Variants in MEGF10 observed in about 807,000 individuals in gnomAD.
MEGF10 encodes multiple EGF like domains 10, also known as multiple epidermal growth factor-like domains protein 10.
In MEGF10, 86 loss-of-function variants were observed where a neutral mutation model predicts 147.5. The observed-to-expected ratio is 0.58, with a 90% CI of 0.49 to 0.70. The LOEUF (loss-of-function observed/expected upper bound fraction) is 0.70, where lower values mean the gene tolerates loss of function less well. Among genes scored for constraint, MEGF10 ranks in the 30% least tolerant of loss-of-function variants. MEGF10 has a pLI of 0.00. For missense variants in MEGF10, 1,329 were observed against 1,487.3 expected (o/e 0.89, Z 1.75); for synonymous variants, 478 against 525.5 (o/e 0.91, Z 1.24).
the MEGF10 span, among the ~76,000 whole-genome samples, chr5:127,241,036 T>C: frequency 6.6e-6 from 1 of 152,224 alleles, no homozygotes; most frequent in Admixed American, 6.5e-5. Flanking sequence ...TGGGCAATGA[T>C]CTATATGTAC....
the MEGF10 span, among the ~76,000 whole-genome samples, chr5:127,271,045 G>A: frequency 6.6e-6 from 1 of 152,142 alleles, no homozygotes; most frequent in Admixed American, 6.5e-5. Context: ...TGTCTTTATA[G>A]TAGATGATTT....
chr5:127,335,022 G>T (rs1761408127), intron 2 of MEGF10, among the ~76,000 whole-genome samples: 1 of 151,996 alleles, frequency 6.6e-6, no homozygotes, highest in Non-Finnish European at 1.5e-5. Flanking sequence ...AATCTTGCTG[G>T]GGTTTCTCCC....
intron 16 of MEGF10, among the ~76,000 whole-genome samples, chr5:127,437,686 T>G (rs1244864708): frequency 6.6e-6 from 1 of 152,222 alleles, no homozygotes; most frequent in Non-Finnish European, 1.5e-5. Flanking sequence ...TGACCCCTAA[T>G]GATTTAATTG....
At chr5:127,438,412 T>C (rs368557414) in intron 16 of MEGF10, 27 bp from the exon 17 acceptor site, 1 of 1,611,638 alleles carries the variant, frequency 6.2e-7, no homozygotes, top group Non-Finnish European at 8.5e-7. Flanking sequence ...AGAACTCTGA[T>C]GGACTTCTCC....
chr5:127,322,853 T>C (rs1259188134), intron 1 of MEGF10, among the ~76,000 whole-genome samples: 1 of 152,146 alleles, frequency 6.6e-6, no homozygotes, highest in Non-Finnish European at 1.5e-5. Context: ...AAATGCACAC[T>C]GAAGTATTTA....
Position 127,457,517 on chromosome 5 carries a change from G to A in MEGF10, c.*199G>A, listed in dbSNP as rs1181973976. 2 of 581,608 alleles carry A rather than the reference G, an allele frequency of 3.4e-6. No homozygotes were observed. Among genetic ancestry groups the A allele is most frequent in the Non-Finnish European group, 6.0e-6 (2 of 334,482 alleles). The allele number at this position is 581,608 out of a possible 1,614,324, so 36.0% of individuals were successfully genotyped here. ...TTCAGGTGGATTCGAAGGAGTTAGA[G>A]ATGTGATTTCCCATTGCTGTTAGTT... On this transcript the variant is annotated 3_prime_UTR_variant, in exon 25 of 25. Coordinates refer to ENST00000503335, the MANE Select transcript of MEGF10 (RefSeq NM_001256545.2).
In MEGF10 at chr5:127,344,435, C is replaced by A. The variant is rs529533247; in HGVS notation, c.319+3805C>A. The stretch of plus-strand genomic sequence containing the variant: ...AATTAAATAACTTTTTTATTCTGAT[C>A]AATCGGTGATGAGTGGAGGAGGAGG... On this transcript the variant is annotated intron_variant, in intron 4 of 24. Coordinates refer to ENST00000503335, the MANE Select transcript of MEGF10 (RefSeq NM_001256545.2). Among the ~76,000 whole-genome samples the A allele has an allele frequency of 2.0e-5, 3 of 152,212 alleles. No homozygotes were observed. The East Asian group carries it at 5.8e-4, about 29-fold the overall frequency.
At position 127,410,525 on chromosome 5, in the gene MEGF10, G is replaced by T. The variant is rs533983780; in HGVS notation, c.1054G>T (p.Ala352Ser). 1 of 1,613,728 alleles carries T rather than the reference G, an allele frequency of 6.2e-7. No homozygotes were observed. Among genetic ancestry groups the T allele is most frequent in the Non-Finnish European group, 8.5e-7 (1 of 1,180,028 alleles). Residue 352 changes from alanine (A) to serine (S), a missense_variant, in exon 9 of 25, where the codon GCA becomes TCA. This residue lies in a region of MEGF10 where 980 missense variants were observed against 1,085.9 expected (regional missense o/e 0.90). Transcript: ENST00000503335. ...EAGFAGERCE[A>S]RLCPEGLYGI... ...AGGCTTTGCTGGCGAGCGCTGCGAA[G>T]CACGCCTGTGTCCTGAGGGGCTCTA...
intron 15 of MEGF10, 38 bp downstream of exon 15, chr5:127,434,859 G>T (rs747003296): frequency 3.4e-5 from 54 of 1,597,564 alleles, no homozygotes; most frequent in African/African-American, 1.3e-5. Context: ...GGGTGGTGAT[G>T]AGCACGCCCC....
At chr5:127,305,660 C>CTT (rs1225294239) in intron 1 of MEGF10, among the ~76,000 whole-genome samples, 1 of 152,108 alleles carries the variant, frequency 6.6e-6, no homozygotes, top group Non-Finnish European at 1.5e-5. Flanking sequence ...TGATGTGGAG[C>CTT]TCTGCCAAGC....
chr5:127,247,409 A>C, the MEGF10 span, among the ~76,000 whole-genome samples: 1 of 72,370 alleles, frequency 1.4e-5, no homozygotes, highest in African/African-American at 7.5e-5. Context: ...AAGAAGAAGA[A>C]GAAGAAGAAG....
chr5:127,329,116 T>C (rs1472057512), intron 1 of MEGF10, among the ~76,000 whole-genome samples: 1 of 152,216 alleles, frequency 6.6e-6, no homozygotes, highest in Admixed American at 6.5e-5. Flanking sequence ...TCATTTTTTA[T>C]TCATTCCCCT....
At chr5:127,422,590 G>A in intron 12 of MEGF10, 80 bp from the exon 13 acceptor site, 3 of 1,030,062 alleles carry the variant, frequency 2.9e-6, no homozygotes, top group South Asian at 2.6e-5. Flanking sequence ...TATGTGAAAT[G>A]GCTGACAGTG....
intron 22 of MEGF10, among the ~76,000 whole-genome samples, chr5:127,451,394 C>T (rs562233441): frequency 6.6e-6 from 1 of 152,282 alleles, no homozygotes; most frequent in South Asian, 2.1e-4. Flanking sequence ...AAATTCCTAA[C>T]TTTTATCTGT....
At chr5:127,355,915 G>GA (rs1398022234) in intron 4 of MEGF10, among the ~76,000 whole-genome samples, 2 of 151,780 alleles carry the variant, frequency 1.3e-5, no homozygotes, top group East Asian at 3.9e-4. Context: ...AGGAAATAAT[G>GA]AAAAAATCCT....
chr5:127,233,496 C>T, the MEGF10 span, among the ~76,000 whole-genome samples: 1 of 152,180 alleles, frequency 6.6e-6, no homozygotes, highest in Non-Finnish European at 1.5e-5. Flanking sequence ...CGGCAATTAG[C>T]CTGGCTACTT....
the MEGF10 span, among the ~76,000 whole-genome samples, chr5:127,247,344 GA>G: frequency 4.4e-4 from 1 of 2,252 alleles, no homozygotes; most frequent in Non-Finnish European, 9.3e-4. Context: ...AGAAGAAGAA[GA>G]AGAAGAAGAA....
At chr5:127,295,620 C>T (rs1242961941) in intron 1 of MEGF10, among the ~76,000 whole-genome samples, 1 of 152,166 alleles carries the variant, frequency 6.6e-6, no homozygotes, top group Non-Finnish European at 1.5e-5. Context: ...TGGCTTAGGG[C>T]AGCTGCACCA....
chr5:127,359,903 A>G (rs557061674), intron 4 of MEGF10, among the ~76,000 whole-genome samples: 1 of 152,242 alleles, frequency 6.6e-6, no homozygotes, highest in Admixed American at 6.5e-5. Flanking sequence ...CTGGAGTTGG[A>G]TGGCTGAACC....
Sources: gnomAD v4.1 joint callset for allele counts (sites outside exome capture counted in the v4.1 genomes callset) on GRCh38, gnomAD v4.1.1 for gene constraint, gnomAD v4.1.1 regional missense constraint, MANE v1.5 for transcripts, NCBI Gene and HGNC (gene_info 2026-07-23, HGNC 2026-07-21) for gene names.